CCDC148: variants seen among roughly 807,000 people sequenced by gnomAD.
CCDC148 encodes the protein coiled-coil domain-containing protein 148.
In CCDC148, 89 loss-of-function variants were observed where a neutral mutation model predicts 85.7. That is an observed-to-expected ratio of 1.04 (90% CI 0.87 to 1.24). The LOEUF (loss-of-function observed/expected upper bound fraction) is 1.24, where lower values mean the gene tolerates loss of function less well. Ranked by LOEUF, CCDC148 falls within the 50% of genes most tolerant of loss-of-function variation. The probability of loss-of-function intolerance (pLI) is 0.00; values close to 1 mark genes in which losing one functional copy is unlikely to be tolerated. For synonymous variants in CCDC148, 230 were observed against 213.9 expected (o/e 1.08, Z -0.66); for missense variants, 692 against 671.7 (o/e 1.03, Z -0.33).
chr2:158,436,997 C>A (rs1687687572), intron 1 of CCDC148, among the ~76,000 whole-genome samples: 1 of 152,028 alleles, frequency 6.6e-6, no homozygotes, highest in Non-Finnish European at 1.5e-5. Context: ...AGCTTACAAA[C>A]CAAAAAAAGT....
chr2:158,302,321 G>C (rs1016441437), intron 9 of CCDC148, among the ~76,000 whole-genome samples: 3 of 152,084 alleles, frequency 2.0e-5, no homozygotes, highest in African/African-American at 7.2e-5. Context: ...TGTCAGGTAA[G>C]GGTCCTATGG....
chr2:158,202,678 T>C (rs1686028867), intron 11 of CCDC148, among the ~76,000 whole-genome samples: 1 of 152,228 alleles, frequency 6.6e-6, no homozygotes, highest in East Asian at 1.9e-4. Flanking sequence ...CTTGGCTCTG[T>C]TCCAATAAAA....
chr2:158,219,411 T>A (rs1157206815), intron 11 of CCDC148, among the ~76,000 whole-genome samples: 1 of 152,186 alleles, frequency 6.6e-6, no homozygotes, highest in African/African-American at 2.4e-5. Flanking sequence ...GGACCCTCTA[T>A]CTATCCCTAC....
chr2:158,352,973 A>G (rs939528025), intron 2 of CCDC148, among the ~76,000 whole-genome samples: 1 of 150,192 alleles, frequency 6.7e-6, no homozygotes, highest in Non-Finnish European at 1.5e-5. Flanking sequence ...ATCCAGCCAA[A>G]CTAAGCTTCA....
intron 11 of CCDC148, among the ~76,000 whole-genome samples, chr2:158,213,838 T>G (rs1291780268): frequency 1.3e-5 from 2 of 152,174 alleles, no homozygotes; most frequent in Non-Finnish European, 2.9e-5. Flanking sequence ...AAAGTATCAC[T>G]GCAGCTGTAG....
At chr2:158,312,856 C>T (rs1692101889) in intron 8 of CCDC148, among the ~76,000 whole-genome samples, 1 of 152,058 alleles carries the variant, frequency 6.6e-6, no homozygotes, top group Admixed American at 6.6e-5. Context: ...GTCACAGTAG[C>T]TGTGTGACCT....
chr2:158,404,110 A>C (rs1367047612), intron 1 of CCDC148, among the ~76,000 whole-genome samples: 1 of 152,158 alleles, frequency 6.6e-6, no homozygotes, highest in Non-Finnish European at 1.5e-5. Flanking sequence ...AGACCTTAAC[A>C]CAGTGCCTGG....
At chr2:158,351,554 G>A (rs151014390) in intron 2 of CCDC148, among the ~76,000 whole-genome samples, 10,773 of 152,136 alleles carry the variant, frequency 0.071, 521 homozygotes, top group South Asian at 0.11. Context: ...ATTATATCCC[G>A]CACCTGGCTT....
rs1684732476 is a variant in CCDC148 at position 158,178,936 on chromosome 2, A to G, written c.1431T>C (p.Leu477=). The change falls in exon 12 of 14, where the codon CTT becomes CTC. Residue 477 remains leucine (L), a synonymous_variant. Coordinates refer to ENST00000283233, the MANE Select transcript of CCDC148 (RefSeq NM_138803.4). ...TCTCTTTGTCTTCATGAGCTTCTTG[A>G]AGGGCCACTTCCTTTTTCTCCATCA... ...RRLMEKKEVA[L]QEAHEDKERA... is the part of the protein sequence containing the mutation. 1 of 1,613,494 alleles carries G rather than the reference A, an allele frequency of 6.2e-7. No homozygotes were observed. Among genetic ancestry groups the G allele is most frequent in the African/African-American group, 1.3e-5 (1 of 74,878 alleles).
At chr2:158,371,410 T>C (rs531852126) in intron 1 of CCDC148, among the ~76,000 whole-genome samples, 1 of 152,150 alleles carries the variant, frequency 6.6e-6, no homozygotes, top group African/African-American at 2.4e-5. Flanking sequence ...ATAAACTGTA[T>C]AGAAAATTGT....
intron 7 of CCDC148, among the ~76,000 whole-genome samples, chr2:158,327,932 T>C (rs183765983): frequency 6.6e-6 from 1 of 152,236 alleles, no homozygotes; most frequent in Non-Finnish European, 1.5e-5. Flanking sequence ...TTTCATGAGA[T>C]CTTCTAGATG....
intron 9 of CCDC148, among the ~76,000 whole-genome samples, chr2:158,279,782 A>T (rs528895031): frequency 2.0e-5 from 3 of 152,056 alleles, no homozygotes; most frequent in South Asian, 4.2e-4. Context: ...AGAACGCCAC[A>T]AAGATACTCC....
intron 10 of CCDC148, among the ~76,000 whole-genome samples, chr2:158,232,309 A>G (rs1687892706): frequency 6.6e-6 from 1 of 152,178 alleles, no homozygotes; most frequent in Non-Finnish European, 1.5e-5. Context: ...ACTATTCACC[A>G]TATAGATTTT....
At chr2:158,268,162 T>A (rs1343535549) in intron 9 of CCDC148, among the ~76,000 whole-genome samples, 1 of 152,194 alleles carries the variant, frequency 6.6e-6, no homozygotes. Flanking sequence ...ACTGCCAAAC[T>A]GTTTTTCCAA....
chr2:158,453,259 T>C (rs1316009717), intron 1 of CCDC148, among the ~76,000 whole-genome samples: 1 of 152,118 alleles, frequency 6.6e-6, no homozygotes, highest in Non-Finnish European at 1.5e-5. Context: ...AGGGTCACAA[T>C]ACAGTAAGGA....
intron 11 of CCDC148, among the ~76,000 whole-genome samples, chr2:158,202,093 T>C (rs183787326): frequency 6.6e-6 from 1 of 152,332 alleles, no homozygotes; most frequent in East Asian, 1.9e-4. Flanking sequence ...ACTATTCTTA[T>C]AACTCTTCCT....
At chr2:158,284,263 C>G (rs960780996) in intron 9 of CCDC148, among the ~76,000 whole-genome samples, 2 of 150,788 alleles carry the variant, frequency 1.3e-5, no homozygotes, top group Non-Finnish European at 3.0e-5. Context: ...TACCCTAAAA[C>G]TTAAAGTATA....
chr2:158,336,930 C>T (rs1024222452), intron 7 of CCDC148, among the ~76,000 whole-genome samples: 4 of 152,128 alleles, frequency 2.6e-5, no homozygotes, highest in African/African-American at 9.7e-5. Flanking sequence ...TTTACATCCT[C>T]CATCAAGCCT....
At chr2:158,371,615 A>G (rs1176001646) in intron 1 of CCDC148, among the ~76,000 whole-genome samples, 2 of 151,882 alleles carry the variant, frequency 1.3e-5, no homozygotes, top group South Asian at 4.1e-4. Context: ...TCCACAAGTT[A>G]TTTAATAATG....
Sources: gnomAD v4.1 joint callset for allele counts (sites outside exome capture counted in the v4.1 genomes callset) on GRCh38, gnomAD v4.1.1 for gene constraint, MANE v1.5 for transcripts, NCBI Gene and HGNC (gene_info 2026-07-23, HGNC 2026-07-21) for gene names.